FAM81B: variants seen among roughly 807,000 people sequenced by gnomAD.
The protein encoded by FAM81B is protein FAM81B.
FAM81B carries 60 observed loss-of-function variants against 58.7 expected under a neutral mutation model. The observed-to-expected ratio is 1.02, with a 90% CI of 0.83 to 1.27. FAM81B has a LOEUF of 1.27. FAM81B is among the 50% of genes most tolerant of loss of function. The pLI, the probability that FAM81B is intolerant of heterozygous loss-of-function variation, is 0.00. For synonymous variants in FAM81B, 189 were observed against 179.6 expected (o/e 1.05, Z -0.42); for missense variants, 491 against 522.0 (o/e 0.94, Z 0.58).
intron 3 of FAM81B, among the ~76,000 whole-genome samples, chr5:95,406,898 G>A (rs1354641602): frequency 3.9e-5 from 6 of 152,024 alleles, no homozygotes; most frequent in African/African-American, 1.2e-4. Context: ...CTCTGGGGCC[G>A]ATTTACTTTA....
intron 7 of FAM81B, among the ~76,000 whole-genome samples, chr5:95,439,236 G>GTGTATA (rs1554046246): frequency 9.5e-6 from 1 of 105,186 alleles, no homozygotes. Flanking sequence ...AGGTTAAAGA[G>GTGTATA]TATATATATA....
Position 95,413,847 on chromosome 5 carries a change from A to G in FAM81B, c.294-100A>G, listed in dbSNP as rs946088846. On this transcript the variant is annotated intron_variant, in intron 3 of 9. Coordinates refer to ENST00000283357, the MANE Select transcript of FAM81B (RefSeq NM_152548.3). ...AATCCTATCAAACTTCTCACAGGGCAAAAATAAAGGATCAGAAGTGAGGAT... is the reference window on the plus strand; with the variant it reads ...AATCCTATCAAACTTCTCACAGGGCGAAAATAAAGGATCAGAAGTGAGGAT... 9 of 1,491,674 alleles carry G rather than the reference A, an allele frequency of 6.0e-6. No homozygotes were observed. In the Admixed American group the frequency reaches 1.5e-4, roughly 24 times the overall value. 92.4% of individuals were successfully genotyped at this position (1,491,674 alleles called of 1,614,324 possible).
intron 4 of FAM81B, among the ~76,000 whole-genome samples, chr5:95,415,909 C>T (rs1044592104): frequency 1.3e-5 from 2 of 152,158 alleles, no homozygotes; most frequent in African/African-American, 2.4e-5. Context: ...TCTTTCAAAT[C>T]TCTAGAAATC....
At chr5:95,438,797 A>AC (rs1173656340) in intron 7 of FAM81B, among the ~76,000 whole-genome samples, 2 of 151,112 alleles carry the variant, frequency 1.3e-5, no homozygotes, top group Non-Finnish European at 3.0e-5. Flanking sequence ...AAAAAAAAAA[A>AC]AAAACCAACA....
At chr5:95,417,190 G>T (rs1377222073) in intron 4 of FAM81B, among the ~76,000 whole-genome samples, 1 of 152,134 alleles carries the variant, frequency 6.6e-6, no homozygotes, top group Non-Finnish European at 1.5e-5. Context: ...TTGTTTTCCG[G>T]AAAGTTTATA....
intron 2 of FAM81B, among the ~76,000 whole-genome samples, chr5:95,395,644 T>A (rs2152760019): frequency 6.6e-6 from 1 of 152,248 alleles, no homozygotes; most frequent in South Asian, 2.1e-4. Flanking sequence ...TGTTGGTAAA[T>A]CATGTGTATG....
At chr5:95,437,168 G>A (rs1452612746) in intron 7 of FAM81B, among the ~76,000 whole-genome samples, 1 of 151,862 alleles carries the variant, frequency 6.6e-6, no homozygotes, top group Non-Finnish European at 1.5e-5. Flanking sequence ...TACCCTTCCT[G>A]TAATTTTTAC....
At chr5:95,404,647 TA>T in intron 3 of FAM81B, among the ~76,000 whole-genome samples, 1 of 152,252 alleles carries the variant, frequency 6.6e-6, no homozygotes, top group Middle Eastern at 3.4e-3. Flanking sequence ...AACTGAGCCT[TA>T]AGGGAACAGT....
intron 3 of FAM81B, among the ~76,000 whole-genome samples, chr5:95,407,982 G>GA (rs1240029346): frequency 6.6e-6 from 1 of 151,844 alleles, no homozygotes; most frequent in Non-Finnish European, 1.5e-5. Flanking sequence ...CGACACCCCA[G>GA]ACTCTTGCTG....
intron 5 of FAM81B, among the ~76,000 whole-genome samples, chr5:95,422,843 T>C (rs1187870527): frequency 6.6e-6 from 1 of 152,216 alleles, no homozygotes; most frequent in Non-Finnish European, 1.5e-5. Flanking sequence ...TACATCAAGA[T>C]ACGCAATTCT....
intron 6 of FAM81B, among the ~76,000 whole-genome samples, chr5:95,435,498 A>G (rs1582822036): frequency 6.6e-6 from 1 of 152,216 alleles, no homozygotes; most frequent in African/African-American, 2.4e-5. Flanking sequence ...GGTTTGATAT[A>G]TAAATCTATG....
intron 6 of FAM81B, among the ~76,000 whole-genome samples, chr5:95,435,274 G>T (rs932825953): frequency 6.6e-6 from 1 of 152,008 alleles, no homozygotes; most frequent in South Asian, 2.1e-4. Context: ...GTTTTTTGTT[G>T]CTTTTTTTTT....
chr5:95,418,847 A>G (rs1026702942), intron 4 of FAM81B, among the ~76,000 whole-genome samples: 4 of 152,124 alleles, frequency 2.6e-5, no homozygotes, highest in African/African-American at 4.8e-5. Context: ...ATCTATAATG[A>G]TATATGACAT....
At chr5:95,426,094 G>A (rs2731831) in intron 5 of FAM81B, among the ~76,000 whole-genome samples, 34,118 of 119,750 alleles carry the variant, frequency 0.28, 5,264 homozygotes, top group Non-Finnish European at 0.38. Flanking sequence ...ATCTCTGTGT[G>A]TATATATATA....
chr5:95,441,956 T>C (rs776725242), intron 7 of FAM81B, among the ~76,000 whole-genome samples: 7 of 152,162 alleles, frequency 4.6e-5, no homozygotes, highest in Non-Finnish European at 8.8e-5. Context: ...TAGATAGCTC[T>C]TACTGCTGAC....
At chr5:95,436,989 C>A (rs1745130754) in intron 7 of FAM81B, 83 bp downstream of exon 7, 4 of 1,067,972 alleles carry the variant, frequency 3.7e-6, no homozygotes, top group Non-Finnish European at 4.2e-6. Context: ...GAAATAAAAA[C>A]CTATCCCAGG....
At chr5:95,435,663 C>T (rs2152768505) in intron 6 of FAM81B, among the ~76,000 whole-genome samples, 2 of 152,152 alleles carry the variant, frequency 1.3e-5, no homozygotes, top group South Asian at 4.1e-4. Flanking sequence ...TATAAATATT[C>T]ACAGCTCTCT....
intron 1 of FAM81B, among the ~76,000 whole-genome samples, chr5:95,392,233 C>T (rs1458206121): frequency 2.6e-5 from 4 of 152,172 alleles, no homozygotes; most frequent in Non-Finnish European, 5.9e-5. Context: ...AACCATCATT[C>T]TCAGCAAACT....
chr5:95,424,202 A>G (rs1762763075), intron 5 of FAM81B: 1 of 1,289,734 alleles, frequency 7.8e-7, no homozygotes, highest in Non-Finnish European at 1.0e-6. Context: ...TAGCAGAAAC[A>G]TTCAAAGACA....
Sources: gnomAD v4.1 joint callset for allele counts (sites outside exome capture counted in the v4.1 genomes callset) on GRCh38, gnomAD v4.1.1 for gene constraint, MANE v1.5 for transcripts, NCBI Gene and HGNC (gene_info 2026-07-23, HGNC 2026-07-21) for gene names.